EHHADH: variants seen among roughly 807,000 people sequenced by gnomAD.
EHHADH encodes the protein peroxisomal bifunctional enzyme.
Under a neutral mutation model 64.4 loss-of-function variants are expected in EHHADH, and 48 were observed. The observed-to-expected ratio is 0.75, with a 90% CI of 0.59 to 0.95. EHHADH has a LOEUF of 0.95. EHHADH is among the 40% of genes least tolerant of loss of function. EHHADH has a pLI of 0.00. For synonymous variants in EHHADH, 308 were observed against 326.7 expected, an observed-to-expected ratio of 0.94 and a Z score of 0.62; for missense variants, 854 against 876.6, an observed-to-expected ratio of 0.97 and a Z score of 0.33.
intron 2 of EHHADH, among the ~76,000 whole-genome samples, chr3:185,238,973 G>T (rs914772217): frequency 1.1e-4 from 17 of 152,320 alleles, no homozygotes; most frequent in African/African-American, 4.1e-4. Flanking sequence ...TATGGTGAAA[G>T]ATAGGGGTCC....
chr3:185,194,584 C>A (rs1311524997), intron 6 of EHHADH, among the ~76,000 whole-genome samples: 1 of 150,948 alleles, frequency 6.6e-6, no homozygotes, highest in Non-Finnish European at 1.5e-5. Flanking sequence ...TGCACTCCAG[C>A]CTGGGCAACA....
At chr3:185,219,084 T>A (rs1020562447) in intron 4 of EHHADH, among the ~76,000 whole-genome samples, 1 of 152,140 alleles carries the variant, frequency 6.6e-6, no homozygotes, top group Non-Finnish European at 1.5e-5. Flanking sequence ...CAGACATAAA[T>A]ATAGTTAACT....
intron 4 of EHHADH, among the ~76,000 whole-genome samples, chr3:185,224,748 C>G (rs1309908694): frequency 6.6e-6 from 1 of 152,068 alleles, no homozygotes; most frequent in East Asian, 1.9e-4. Flanking sequence ...CTTGTCTTTT[C>G]CACTTCTAGA....
At chr3:185,208,173 T>C (rs1239220163) in intron 5 of EHHADH, among the ~76,000 whole-genome samples, 1 of 152,186 alleles carries the variant, frequency 6.6e-6, no homozygotes, top group African/African-American at 2.4e-5. Context: ...CACCCTATGG[T>C]GAAGCCCACG....
At chr3:185,219,056 T>G (rs11712070) in intron 4 of EHHADH, among the ~76,000 whole-genome samples, 1 of 151,492 alleles carries the variant, frequency 6.6e-6, no homozygotes, top group Non-Finnish European at 1.5e-5. Flanking sequence ...AGAGAAAATT[T>G]AAAAAAAAGA....
rs11919970 is a variant in EHHADH, at chr3:185,192,345, G to T, written c.2053C>A (p.Gln685Lys). ...TCCAGTTGGGGAATATCAGGGTTCTGCCTGTAATATTTCTGCAATTTCTCT... is the reference window on the plus strand; with the variant it reads ...TCCAGTTGGGGAATATCAGGGTTCTTCCTGTAATATTTCTGCAATTTCTCT... ...VLEKLQKYYR[Q>K]NPDIPQLEPS... The change falls in exon 7 of 7, where the codon CAG (glutamine) becomes AAG (lysine). Residue 685 changes from glutamine (Q) to lysine (K), a missense_variant. Physicochemically the swap from Gln to Lys is moderately conservative, Grantham distance 53 (BLOSUM62 1). Transcript: ENST00000231887. 0.1 allele frequency: 162,596 copies of T among 1,613,874 alleles called. 11,633 individuals are homozygous for T. Among genetic ancestry groups the T allele is most frequent in the African/African-American group, 0.38 (28,075 of 74,866 alleles).
intron 1 of EHHADH, among the ~76,000 whole-genome samples, chr3:185,252,668 A>AT (rs1560024784): frequency 6.6e-6 from 1 of 152,144 alleles, no homozygotes; most frequent in Non-Finnish European, 1.5e-5. Context: ...TTAGTCCTGC[A>AT]TTTTTTGACA....
chr3:185,245,889 T>C, intron 2 of EHHADH: 1 of 1,137,532 alleles, frequency 8.8e-7, no homozygotes, highest in Non-Finnish European at 1.3e-6. Flanking sequence ...TTTTCCCTCA[T>C]GATGTTGAAC....
chr3:185,244,336 G>A (rs996714395), intron 2 of EHHADH, among the ~76,000 whole-genome samples: 4 of 152,134 alleles, frequency 2.6e-5, no homozygotes, highest in Non-Finnish European at 2.9e-5. Context: ...GGCCATTTAT[G>A]TTCAGGGTTA....
chr3:185,228,451 G>A (rs1039534223), intron 4 of EHHADH, among the ~76,000 whole-genome samples: 5 of 151,562 alleles, frequency 3.3e-5, no homozygotes, highest in African/African-American at 1.2e-4. Context: ...GGCCAAGGCA[G>A]GTGGATCACC....
At chr3:185,221,132 C>T (rs536986489) in intron 4 of EHHADH, among the ~76,000 whole-genome samples, 10 of 152,286 alleles carry the variant, frequency 6.6e-5, no homozygotes, top group African/African-American at 2.4e-4. Flanking sequence ...CTGATTTCTT[C>T]CAATAATCTT....
chr3:185,219,676 G>A (rs368948436), intron 4 of EHHADH, among the ~76,000 whole-genome samples: 5 of 152,122 alleles, frequency 3.3e-5, no homozygotes, highest in South Asian at 2.1e-4. Flanking sequence ...GTGACACATC[G>A]CTTGCTTTCT....
intron 4 of EHHADH, among the ~76,000 whole-genome samples, chr3:185,219,573 C>T (rs1321543355): frequency 6.6e-6 from 1 of 152,178 alleles, no homozygotes; most frequent in African/African-American, 2.4e-5. Flanking sequence ...CAGTTCTTCA[C>T]CAGTTGTAAA....
intron 6 of EHHADH, among the ~76,000 whole-genome samples, chr3:185,195,908 G>A (rs911221578): frequency 7.2e-5 from 11 of 152,042 alleles, no homozygotes; most frequent in African/African-American, 2.2e-4. Context: ...ACCTGCACAC[G>A]TACCCCCTGA....
intron 2 of EHHADH, chr3:185,246,297 T>A: frequency 1.3e-6 from 1 of 788,834 alleles, no homozygotes; most frequent in South Asian, 1.8e-5. Flanking sequence ...ATCTTTGTCC[T>A]CAGTTGGCTC....
chr3:185,232,326 C>T (rs1165774614), intron 3 of EHHADH, among the ~76,000 whole-genome samples: 1 of 152,138 alleles, frequency 6.6e-6, no homozygotes, highest in Non-Finnish European at 1.5e-5. Context: ...AGAAAAGGAG[C>T]ACTTAGGACA....
At chr3:185,243,991 T>A (rs924814432) in intron 2 of EHHADH, among the ~76,000 whole-genome samples, 2 of 152,220 alleles carry the variant, frequency 1.3e-5, no homozygotes, top group Non-Finnish European at 2.9e-5. Context: ...CTATCTCTTT[T>A]ATTAGGTTGA....
chr3:185,234,377 C>T (rs1280682421), intron 3 of EHHADH, among the ~76,000 whole-genome samples: 1 of 152,106 alleles, frequency 6.6e-6, no homozygotes, highest in African/African-American at 2.4e-5. Context: ...TAAATGTATA[C>T]TTAGAAGTGA....
At chr3:185,206,777 G>A (rs929191178) in intron 5 of EHHADH, among the ~76,000 whole-genome samples, 2 of 151,374 alleles carry the variant, frequency 1.3e-5, no homozygotes, top group African/African-American at 2.4e-5. Context: ...GCAGTGAGCC[G>A]AGATCATGCC....
Sources: gnomAD v4.1 joint callset for allele counts (sites outside exome capture counted in the v4.1 genomes callset) on GRCh38, gnomAD v4.1.1 for gene constraint, MANE v1.5 for transcripts, NCBI Gene and HGNC (gene_info 2026-07-23, HGNC 2026-07-21) for gene names.